Variants in RLN2 observed in about 807,000 individuals in gnomAD.
The protein encoded by RLN2 is prorelaxin H2.
RLN2 carries 10 observed loss-of-function variants against 7.3 expected under a neutral mutation model. That is an observed-to-expected ratio of 1.36 (90% confidence interval 0.84 to 2.31). The LOEUF (loss-of-function observed/expected upper bound fraction) is 2.31, where lower values mean the gene tolerates loss of function less well. Among genes scored for constraint, RLN2 ranks in the 30% most tolerant of loss-of-function variants. The probability of loss-of-function intolerance (pLI) is 0.00; values close to 1 mark genes in which losing one functional copy is unlikely to be tolerated. For missense variants in RLN2, 298 were observed against 217.6 expected (o/e 1.37, Z -2.32); for synonymous variants, 103 against 82.3 (o/e 1.25, Z -1.36).
chr9:5,335,327 C>A, the RLN2 span: 1 of 1,611,900 alleles, frequency 6.2e-7, no homozygotes. Context: ...GTAGGGTCGT[C>A]TCTTTTTTTG....
At chr9:5,302,479 T>A (rs112823853) in intron 1 of RLN2, among the ~76,000 whole-genome samples, 1 of 152,186 alleles carries the variant, frequency 6.6e-6, no homozygotes, top group Non-Finnish European at 1.5e-5. Flanking sequence ...TAATCACAAA[T>A]TACTGACATG....
chr9:5,301,029 G>C (rs1816115635), intron 1 of RLN2, among the ~76,000 whole-genome samples: 1 of 152,166 alleles, frequency 6.6e-6, no homozygotes, highest in Non-Finnish European at 1.5e-5. Flanking sequence ...TTAACAATTT[G>C]TCTTCCCCAG....
At chr9:5,305,117 A>G (rs1466287778), upstream of RLN2, 1 of 152,658 alleles carries the variant, frequency 6.6e-6, no homozygotes, top group East Asian at 1.9e-4. Flanking sequence ...TAAAAATAGA[A>G]TGGATGAATA....
chr9:5,302,528 T>G (rs1403055270), intron 1 of RLN2, among the ~76,000 whole-genome samples: 1 of 152,212 alleles, frequency 6.6e-6, no homozygotes, highest in East Asian at 1.9e-4. Flanking sequence ...TGGTAAACAT[T>G]TGTCTTAATC....
chr9:5,317,766 A>C, the RLN2 span, among the ~76,000 whole-genome samples: 1 of 152,018 alleles, frequency 6.6e-6, no homozygotes, highest in Non-Finnish European at 1.5e-5. Flanking sequence ...AAAGATGTAA[A>C]TTGGTCTGTG....
At chr9:5,326,607 AG>A in the RLN2 span, among the ~76,000 whole-genome samples, 1 of 152,168 alleles carries the variant, frequency 6.6e-6, no homozygotes, top group Non-Finnish European at 1.5e-5. Context: ...GGTGGGGACA[AG>A]GGGGGAGGGC....
the RLN2 span, among the ~76,000 whole-genome samples, chr9:5,324,879 T>C: frequency 1.3e-5 from 2 of 152,122 alleles, no homozygotes; most frequent in Admixed American, 1.3e-4. Context: ...AAACTCAACA[T>C]ATTCAATTGC....
At chr9:5,321,905 A>G in the RLN2 span, among the ~76,000 whole-genome samples, 1 of 152,138 alleles carries the variant, frequency 6.6e-6, no homozygotes, top group African/African-American at 2.4e-5. Flanking sequence ...CCTCTTCTCT[A>G]TCTCTAGCTT....
chr9:5,325,067 T>G, the RLN2 span, among the ~76,000 whole-genome samples: 1 of 152,012 alleles, frequency 6.6e-6, no homozygotes, highest in African/African-American at 2.4e-5. Flanking sequence ...GACAGTTGGC[T>G]TAAAAATAAT....
chr9:5,309,120 CAG>C (rs1816302836), upstream of RLN2, among the ~76,000 whole-genome samples: 1 of 152,116 alleles, frequency 6.6e-6, no homozygotes, highest in African/African-American at 2.4e-5. Context: ...CCCACTCCAA[CAG>C]GGTGAATAGG....
the RLN2 span, among the ~76,000 whole-genome samples, chr9:5,321,302 G>C: frequency 6.6e-6 from 1 of 152,070 alleles, no homozygotes; most frequent in Non-Finnish European, 1.5e-5. Context: ...TAAGATCAAA[G>C]AAGTGAGTGT....
upstream of RLN2, among the ~76,000 whole-genome samples, chr9:5,305,400 C>CAGAG (rs1435074962): frequency 1.5e-4 from 19 of 124,216 alleles, no homozygotes; most frequent in African/African-American, 5.4e-4. Context: ...CACACACACA[C>CAGAG]ACAGAGAGAG....
chr9:5,307,823 A>G (rs79324864), upstream of RLN2, among the ~76,000 whole-genome samples: 1,990 of 152,156 alleles, frequency 0.013, 52 homozygotes, highest in African/African-American at 0.046. Flanking sequence ...ACCATCTTCC[A>G]GCGCCAACTT....
At chr9:5,333,112 G>A in the RLN2 span, among the ~76,000 whole-genome samples, 4 of 151,906 alleles carry the variant, frequency 2.6e-5, no homozygotes, top group South Asian at 2.1e-4. Context: ...TTAGTGATGC[G>A]TATGAAGGGG....
At chr9:5,322,310 T>C in the RLN2 span, among the ~76,000 whole-genome samples, 43,206 of 151,630 alleles carry the variant, frequency 0.28, 6,768 homozygotes, top group East Asian at 0.4. Flanking sequence ...TTTAGGAAGG[T>C]GAGAAACCTG....
chr9:5,300,501 C>A, intron 1 of RLN2, 57 bp from the exon 2 acceptor site: 2 of 1,165,506 alleles, frequency 1.7e-6, no homozygotes, highest in South Asian at 3.0e-5. Context: ...AAAGAGCACT[C>A]AGAAAAACTA....
the RLN2 span, among the ~76,000 whole-genome samples, chr9:5,322,112 G>A: frequency 6.6e-6 from 1 of 152,044 alleles, no homozygotes; most frequent in East Asian, 1.9e-4. Flanking sequence ...AGAGCAGGTA[G>A]ATTAGGATAT....
the RLN2 span, among the ~76,000 whole-genome samples, chr9:5,331,087 G>A: frequency 6.6e-6 from 1 of 152,030 alleles, no homozygotes. Flanking sequence ...AACAGGTTCT[G>A]AAATTGAGGC....
At chr9:5,311,855 T>A in the RLN2 span, 3 of 556,600 alleles carry the variant, frequency 5.4e-6, no homozygotes, top group East Asian at 9.4e-5. Context: ...CCTTAAGTTT[T>A]AGGGTACATG....
Sources: gnomAD v4.1 joint callset for allele counts (sites outside exome capture counted in the v4.1 genomes callset) on GRCh38, gnomAD v4.1.1 for gene constraint, MANE v1.5 for transcripts, NCBI Gene and HGNC (gene_info 2026-07-23, HGNC 2026-07-21) for gene names.